GRIP1: variants seen among roughly 807,000 people sequenced by gnomAD.
GRIP1 encodes the protein glutamate receptor interacting protein 1.
Under a neutral mutation model 129.9 loss-of-function variants are expected in GRIP1, and 45 were observed. That is an observed-to-expected ratio of 0.35 (90% CI 0.27 to 0.44). The LOEUF (loss-of-function observed/expected upper bound fraction) is 0.44, where lower values mean the gene tolerates loss of function less well. GRIP1 is among the 20% of genes least tolerant of loss of function. The pLI is 1.00. For synonymous variants in GRIP1, 530 were observed against 520.8 expected (o/e 1.02, Z -0.24); for missense variants, 1,196 against 1,396.8 (o/e 0.86, Z 2.29).
intron 1 of GRIP1, among the ~76,000 whole-genome samples, chr12:66,819,632 G>A (rs1023689596): frequency 1.1e-4 from 17 of 152,116 alleles, no homozygotes; most frequent in Admixed American, 1.1e-3. Context: ...ATGTCAAAAG[G>A]TCTAACTAAA....
intron 1 of GRIP1, among the ~76,000 whole-genome samples, chr12:67,027,514 C>T (rs908897904): frequency 6.6e-6 from 1 of 152,132 alleles, no homozygotes; most frequent in Non-Finnish European, 1.5e-5. Flanking sequence ...ACGTGCAAAA[C>T]CAGATACCAT....
At chr12:66,719,775 T>A (rs1369759769) in intron 1 of GRIP1, among the ~76,000 whole-genome samples, 1 of 152,206 alleles carries the variant, frequency 6.6e-6, no homozygotes, top group Non-Finnish European at 1.5e-5. Context: ...GGGGCAGTGA[T>A]GCAAGAATTA....
Position 66,834,918 on chromosome 12 carries a change from C to T in GRIP1, c.58+234132G>A, listed in dbSNP as rs1489338200. ...CTGGGTGACACAGCATGACAAGACT[C>T]GTCTCTTTAAAAAAAAAAGGGGGGG... On this transcript the variant is annotated intron_variant, in intron 1 of 1. Coordinates refer to the GRIP1 transcript ENST00000643019. 9.3e-5 allele frequency among the ~76,000 whole-genome samples: 10 copies of T among 107,530 alleles called. 1 individual carries two copies. Among genetic ancestry groups the T allele is most frequent in the Admixed American group, 3.5e-4 (3 of 8,688 alleles). The allele number at this position is 107,530 out of a possible 152,430, so 70.5% of individuals were successfully genotyped here. A position where few individuals can be genotyped will look rare whatever the true frequency, so the allele number is the denominator to read the frequency against.
At position 66,394,298 on chromosome 12, in the gene GRIP1, C is replaced by G; in HGVS notation, c.2039G>C (p.Gly680Ala). 6.2e-7 allele frequency: 1 copy of G among 1,613,982 alleles called. No homozygotes were observed. Among genetic ancestry groups the G allele is most frequent in the Non-Finnish European group, 8.5e-7 (1 of 1,179,830 alleles). The change falls in exon 17 of 25, where the codon GGG becomes GCG. Residue 680 changes from glycine (G) to alanine (A), a missense_variant. Transcript: ENST00000359742. ...IIYTVELKRY[G>A]GPLGITISGT... ...TGAAATTGTGATGCCAAGGGGCCCC[C>G]CGTAGCGTTTAAGCTCCACGGTGTA... is the stretch of plus-strand genomic sequence containing the variant.
chr12:66,783,491 A>G (rs1211191276), intron 1 of GRIP1, among the ~76,000 whole-genome samples: 2 of 152,198 alleles, frequency 1.3e-5, no homozygotes, highest in African/African-American at 4.8e-5. Context: ...GCAGCAACTT[A>G]TAAGTGAGGT....
At chr12:66,797,050 T>C (rs1184413976) in intron 1 of GRIP1, among the ~76,000 whole-genome samples, 1 of 152,138 alleles carries the variant, frequency 6.6e-6, no homozygotes, top group East Asian at 1.9e-4. Flanking sequence ...GAAAAGCTTT[T>C]TGGTTGTAAG....
intron 7 of GRIP1, among the ~76,000 whole-genome samples, chr12:66,472,423 C>T (rs1326942561): frequency 6.6e-6 from 1 of 152,078 alleles, no homozygotes; most frequent in Non-Finnish European, 1.5e-5. Flanking sequence ...TTTCTAGTTA[C>T]TTTTTTCTTT....
intron 1 of GRIP1, among the ~76,000 whole-genome samples, chr12:66,787,811 G>T (rs553263916): frequency 2.6e-5 from 4 of 152,240 alleles, no homozygotes; most frequent in African/African-American, 9.6e-5. Context: ...CAGCCTGAAT[G>T]AACTAAGATA....
chr12:67,062,410 T>C (rs1410086332), intron 1 of GRIP1, among the ~76,000 whole-genome samples: 2 of 152,210 alleles, frequency 1.3e-5, no homozygotes, highest in African/African-American at 2.4e-5. Flanking sequence ...GAACATACCA[T>C]GCTCCTTGCC....
At chr12:67,017,512 T>C (rs1316287529) in intron 1 of GRIP1, among the ~76,000 whole-genome samples, 1 of 151,370 alleles carries the variant, frequency 6.6e-6, no homozygotes, top group East Asian at 1.9e-4. Flanking sequence ...AAATTAAATA[T>C]GGTAGATAAT....
chr12:66,472,325 C>T (rs536105921), intron 7 of GRIP1, among the ~76,000 whole-genome samples: 1 of 152,124 alleles, frequency 6.6e-6, no homozygotes, highest in Non-Finnish European at 1.5e-5. Context: ...TTCTAGTAAC[C>T]CCTTGGGATC....
chr12:66,487,938 A>G (rs2059999157), intron 7 of GRIP1, among the ~76,000 whole-genome samples: 1 of 152,230 alleles, frequency 6.6e-6, no homozygotes, highest in Non-Finnish European at 1.5e-5. Flanking sequence ...ACTATCTTAA[A>G]TATATACGCA....
chr12:66,590,654 T>C (rs1284723837), intron 2 of GRIP1, among the ~76,000 whole-genome samples: 1 of 152,202 alleles, frequency 6.6e-6, no homozygotes, highest in Non-Finnish European at 1.5e-5. Flanking sequence ...TATTAAATGG[T>C]GCTCAACTTT....
intron 1 of GRIP1, among the ~76,000 whole-genome samples, chr12:66,598,339 AC>A (rs1306752165): frequency 7.9e-5 from 12 of 152,328 alleles, no homozygotes; most frequent in African/African-American, 2.6e-4. Context: ...AATAGAAGTC[AC>A]GCTGTTTCAT....
Position 66,891,272 on chromosome 12 carries a change from A to G in GRIP1, c.58+177778T>C, listed in dbSNP as rs527642355. Among the ~76,000 whole-genome samples the G allele has an allele frequency of 9.8e-5, 15 of 152,328 alleles. No homozygotes were observed. In the East Asian group the frequency reaches 2.5e-3, roughly 25 times the overall value. On this transcript the variant is annotated intron_variant, in intron 1 of 1. Coordinates refer to the GRIP1 transcript ENST00000643019. ...ATACAAGGCCTTGCATAGCCTTACT[A>G]TGAAATATTAAGTAGGTTGCAGTTG...
At chr12:66,473,782 A>C (rs1022214154) in intron 7 of GRIP1, among the ~76,000 whole-genome samples, 1 of 152,234 alleles carries the variant, frequency 6.6e-6, no homozygotes, top group Admixed American at 6.5e-5. Context: ...AAGGAATAGC[A>C]TCAACATCAA....
At chr12:66,440,996 C>T (rs376528765) in intron 13 of GRIP1, among the ~76,000 whole-genome samples, 2 of 152,150 alleles carry the variant, frequency 1.3e-5, no homozygotes, top group South Asian at 2.1e-4. Context: ...TGCATTTTTC[C>T]GGCCAAACTC....
At chr12:66,635,454 T>A (rs906511985) in intron 1 of GRIP1, among the ~76,000 whole-genome samples, 1 of 151,532 alleles carries the variant, frequency 6.6e-6, no homozygotes, top group Admixed American at 6.6e-5. Context: ...AAAAAAGAAA[T>A]AAAATTTATA....
chr12:66,538,089 T>G lies in GRIP1; in HGVS notation c.418+989A>C, dbSNP rs147494938. ...GAGTAGTGTGATGATAATCTCACAT[T>G]GTCTGCTCTATCCATCTGGATGTCT... On this transcript the variant is annotated intron_variant, in intron 4 of 24. Coordinates refer to ENST00000359742, the MANE Select transcript of GRIP1 (RefSeq NM_001366722.1). Among the ~76,000 whole-genome samples the G allele has an allele frequency of 1.3e-3, 193 of 152,342 alleles. 1 individual carries two copies. The highest frequency in any genetic ancestry group is 4.3e-3 in the African/African-American group (179 of 41,574).
Sources: gnomAD v4.1 joint callset for allele counts (sites outside exome capture counted in the v4.1 genomes callset) on GRCh38, gnomAD v4.1.1 for gene constraint, MANE v1.5 for transcripts, NCBI Gene and HGNC (gene_info 2026-07-23, HGNC 2026-07-21) for gene names.